The following HTT-AS variants were observed in gnomAD, a reference collection of about 807,000 sequenced individuals.
The protein encoded by HTT-AS is HTT antisense RNA (head to head).
At chr4:3,062,522 G>A (rs780633593) in exon 2 of HTT-AS, among the ~76,000 whole-genome samples, 2 of 151,970 alleles carry the variant, frequency 1.3e-5, no homozygotes, top group Admixed American at 6.6e-5. Context: ...TCCCCTCTGC[G>A]GCCTGTGCTT....
At chr4:3,074,567 T>C (rs975031337), upstream of HTT-AS, 17 of 356,172 alleles carry the variant, frequency 4.8e-5, 1 homozygote, top group Non-Finnish European at 7.8e-5. Context: ...TGGCCAGCCA[T>C]TGGCAGAGTC....
At chr4:3,063,378 A>G (rs747597874) in exon 2 of HTT-AS, 1 of 152,434 alleles carries the variant, frequency 6.6e-6, no homozygotes, top group Non-Finnish European at 1.5e-5. Context: ...GAGATGGCCT[A>G]GCTCTGCATA....
At chr4:3,070,026 G>C (rs1712134594) in intron 1 of HTT-AS, 1 of 152,468 alleles carries the variant, frequency 6.6e-6, no homozygotes, top group Non-Finnish European at 1.5e-5. Context: ...TGCCCAGGCT[G>C]GTGTGCACCC....
intron 1 of HTT-AS, among the ~76,000 whole-genome samples, chr4:3,073,420 GC>G (rs1407846680): frequency 6.6e-6 from 1 of 152,196 alleles, no homozygotes; most frequent in Non-Finnish European, 1.5e-5. Flanking sequence ...GTGAGGGGGT[GC>G]CCCACAGACC....
chr4:3,060,564 G>A (rs907047024), intron 2 of HTT-AS, among the ~76,000 whole-genome samples: 4 of 152,118 alleles, frequency 2.6e-5, no homozygotes, highest in Non-Finnish European at 4.4e-5. Flanking sequence ...GAAAGTCCTC[G>A]GTAAGGTTTT....
At chr4:3,067,853 A>C (rs1712084145) in intron 1 of HTT-AS, among the ~76,000 whole-genome samples, 1 of 152,238 alleles carries the variant, frequency 6.6e-6, no homozygotes, top group Non-Finnish European at 1.5e-5. Flanking sequence ...GCCAACAAGC[A>C]GACTTGTCTC....
intron 2 of HTT-AS, among the ~76,000 whole-genome samples, chr4:3,056,162 G>T (rs1711801416): frequency 6.6e-6 from 1 of 152,120 alleles, no homozygotes; most frequent in Non-Finnish European, 1.5e-5. Context: ...CTTTACTTTG[G>T]ATCCCACTTC....
intron 2 of HTT-AS, among the ~76,000 whole-genome samples, chr4:3,052,617 A>AT (rs1209372377): frequency 1.3e-5 from 2 of 152,308 alleles, no homozygotes; most frequent in East Asian, 3.9e-4. Context: ...TAGGCAGGAA[A>AT]TATACTTTAG....
At chr4:3,054,825 C>T (rs1711776915) in intron 2 of HTT-AS, among the ~76,000 whole-genome samples, 1 of 151,830 alleles carries the variant, frequency 6.6e-6, no homozygotes, top group African/African-American at 2.4e-5. Flanking sequence ...AGCGATTCTC[C>T]TGCCTCAGCC....
At position 3,051,030 on chromosome 4, in the gene HTT-AS, T is replaced by TTGTGTGTGTGTG. The variant is rs59615689; in HGVS notation, n.1381-1344_1381-1333dup. On this transcript the variant is annotated intron_variant and non_coding_transcript_variant, in intron 2 of 2. Coordinates refer to ENST00000664062, the Ensembl canonical transcript of HTT-AS. ...TAAACCTTTTATAATCCCTTACAAT[T>TTGTGTGTGTGTG]TGTGTGTGTGTGTGTGTGTGTGTGT... is the stretch of plus-strand genomic sequence containing the variant. Among the ~76,000 whole-genome samples the TTGTGTGTGTGTG allele has an allele frequency of 2.1e-3, 253 of 122,546 alleles. 3 individuals carry two copies. Among genetic ancestry groups the TTGTGTGTGTGTG allele is most frequent in the East Asian group, 5.1e-3 (20 of 3,926 alleles). The allele number at this position is 122,546 out of a possible 152,430, so 80.4% of individuals were successfully genotyped here.
chr4:3,062,753 G>A lies in HTT-AS; in HGVS notation n.1061C>T, dbSNP rs182094773. ...AGAACAGACTCTTGCGGTTTCCCAC[G>A]ACATTCCTTTCACTTCTCACTTGGA... On this transcript the variant is annotated non_coding_transcript_exon_variant, in exon 2 of 3. Transcript: ENST00000664062. 1.7e-3 allele frequency among the ~76,000 whole-genome samples: 262 copies of A among 151,972 alleles called. 1 individual carries two copies. Among genetic ancestry groups the A allele is most frequent in the African/African-American group, 5.9e-3 (246 of 41,428 alleles).
At chr4:3,074,623 CCGCCGG>C (rs1712353785), upstream of HTT-AS, 1 of 436,546 alleles carries the variant, frequency 2.3e-6, no homozygotes, top group South Asian at 6.8e-5. Context: ...GGCCCCGCCT[CCGCCGG>C]CGCGGCCCCG....
chr4:3,055,296 TA>T (rs796510571), intron 2 of HTT-AS, among the ~76,000 whole-genome samples: 2,168 of 141,040 alleles, frequency 0.015, 21 homozygotes, highest in African/African-American at 0.043. Context: ...AGACTCCGTC[TA>T]AAAAAAAAAA....
intron 1 of HTT-AS, among the ~76,000 whole-genome samples, chr4:3,073,238 C>G (rs9996199): frequency 0.15 from 22,243 of 152,232 alleles, 2,405 homozygotes; most frequent in African/African-American, 0.31. Context: ...GTAGGCTTTA[C>G]TGGGCTCCTC....
chr4:3,073,992 G>T (rs1025298449), intron 1 of HTT-AS, among the ~76,000 whole-genome samples: 186 of 151,182 alleles, frequency 1.2e-3, no homozygotes, highest in Middle Eastern at 6.9e-3. Context: ...CTGCGCCCGC[G>T]CTCGGCGCCC....
rs573655312 is a variant in HTT-AS, at chr4:3,063,234, C to A, written n.580G>T. On this transcript the variant is annotated non_coding_transcript_exon_variant, in exon 2 of 3. Coordinates refer to ENST00000664062, the Ensembl canonical transcript of HTT-AS. The stretch of plus-strand genomic sequence containing the variant: ...GGGATCAGCAGAGGTGTTTCAGTCC[C>A]GAGGGAAAGAAAGTCAGCGTGGCTT... 6.6e-5 allele frequency among the ~76,000 whole-genome samples: 10 copies of A among 152,212 alleles called. No individual in the cohort carries two copies. In the South Asian group the frequency reaches 2.1e-3, roughly 32 times the overall value.
downstream of HTT-AS, among the ~76,000 whole-genome samples, chr4:3,048,073 C>T (rs182205860): frequency 6.6e-6 from 1 of 152,126 alleles, no homozygotes; most frequent in East Asian, 1.9e-4. Flanking sequence ...GCATTCGGGG[C>T]CACTACCAGT....
chr4:3,058,845 G>A (rs112954907), intron 2 of HTT-AS, among the ~76,000 whole-genome samples: 8,398 of 151,570 alleles, frequency 0.055, 426 homozygotes, highest in African/African-American at 0.13. Flanking sequence ...TCAGCCTCCC[G>A]AGTAGCTGGG....
intron 2 of HTT-AS, among the ~76,000 whole-genome samples, chr4:3,050,238 G>A (rs1057241707): frequency 1.3e-5 from 2 of 152,132 alleles, no homozygotes; most frequent in African/African-American, 4.8e-5. Context: ...TGCATTGCAC[G>A]GATAACTGAT....
Sources: gnomAD v4.1 joint callset for allele counts (sites outside exome capture counted in the v4.1 genomes callset) on GRCh38, gnomAD v4.1.1 for gene constraint, MANE v1.5 for transcripts, NCBI Gene and HGNC (gene_info 2026-07-23, HGNC 2026-07-21) for gene names.